The following LAMC2 variants were observed in gnomAD, a reference collection of about 807,000 sequenced individuals.
The protein encoded by LAMC2 is laminin subunit gamma 2, also known as laminin subunit gamma-2.
LAMC2 carries 97 observed loss-of-function variants against 140.2 expected under a neutral mutation model. The ratio of observed to expected loss-of-function variants is 0.69; its 90% CI spans 0.59 to 0.82. The LOEUF (loss-of-function observed/expected upper bound fraction) is 0.82. LAMC2 is among the 40% of genes least tolerant of loss of function. LAMC2 has a pLI of 0.00. For missense variants in LAMC2, 1,402 were observed against 1,476.1 expected (o/e 0.95, Z 0.82); for synonymous variants, 513 against 540.2 (o/e 0.95, Z 0.70).
At chr1:183,251,855 T>TTGC in the LAMC2 span, 525 of 163,296 alleles carry the variant, frequency 3.2e-3, 4 homozygotes, top group African/African-American at 0.011. Context: ...TGATCAAAGG[T>TTGC]TGCTGCTGCT....
chr1:183,253,022 G>A, the LAMC2 span, among the ~76,000 whole-genome samples: 3 of 152,056 alleles, frequency 2.0e-5, no homozygotes, highest in East Asian at 5.8e-4. Flanking sequence ...GGTAATATCT[G>A]GGCCCCTCTC....
chr1:183,243,870 A>G lies in LAMC2; in HGVS notation c.*470A>G, dbSNP rs1660189082. ...CCAGTCACACTGTGGCCAGTAAAAT[A>G]CTATTGCCTCATATTGTCCTCTGCA... On this transcript the variant is annotated 3_prime_UTR_variant, in exon 23 of 23. Coordinates refer to ENST00000264144, the MANE Select transcript of LAMC2 (RefSeq NM_005562.3). 1 of 224,220 alleles carries G rather than the reference A, an allele frequency of 4.5e-6. No homozygotes were observed. Among genetic ancestry groups the G allele is most frequent in the Non-Finnish European group, 9.0e-6 (1 of 111,348 alleles). The allele number at this position is 224,220 out of a possible 1,614,324, so 13.9% of individuals were successfully genotyped here.
Position 183,218,479 on chromosome 1 carries a change from G to A in LAMC2, c.494G>A (p.Arg165His), listed in dbSNP as rs763483708. 13 of 1,612,196 alleles carry A rather than the reference G, an allele frequency of 8.1e-6. No homozygotes were observed. Among genetic ancestry groups the A allele is most frequent in the East Asian group, 2.2e-5 (1 of 44,870 alleles). The change falls in exon 4 of 23, where the codon CGC becomes CAC. Residue 165 changes from arginine to histidine, a missense_variant. This residue lies in a region of LAMC2 where 723 missense variants were observed against 783.3 expected (regional missense o/e 0.92). Transcript: ENST00000264144. ...CVCKPAVTGE[R>H]CDRCRSGYYN... ...TGCAAGCCAGCTGTCACTGGAGAAC[G>A]CTGTGATAGGTCTGTGTGAACCGTG...
At chr1:183,202,560 A>G (rs1316888611) in intron 1 of LAMC2, among the ~76,000 whole-genome samples, 3 of 152,232 alleles carry the variant, frequency 2.0e-5, no homozygotes, top group African/African-American at 7.2e-5. Flanking sequence ...TCATAAGAAA[A>G]ACATTGTGCC....
intron 4 of LAMC2, among the ~76,000 whole-genome samples, chr1:183,219,855 G>A (rs1357666546): frequency 1.3e-5 from 2 of 152,104 alleles, no homozygotes; most frequent in Non-Finnish European, 2.9e-5. Flanking sequence ...TACATGATTT[G>A]GAGACAGATG....
intron 12 of LAMC2, among the ~76,000 whole-genome samples, chr1:183,231,628 T>C (rs1017348178): frequency 1.3e-5 from 2 of 152,342 alleles, no homozygotes; most frequent in East Asian, 1.9e-4. Flanking sequence ...CAAAAAGGAA[T>C]GGCCTCCAGA....
At chr1:183,248,470 A>G (rs200190360), downstream of LAMC2, 2 of 152,548 alleles carry the variant, frequency 1.3e-5, no homozygotes, top group Non-Finnish European at 2.9e-5. Context: ...CCTCATGCCA[A>G]CCCTCAAGAC....
chr1:183,203,511 T>C (rs776880579), intron 1 of LAMC2, among the ~76,000 whole-genome samples: 1 of 124,462 alleles, frequency 8.0e-6, no homozygotes, highest in South Asian at 2.7e-4. Context: ...CGAGAGTAAG[T>C]AATAAATGGT....
chr1:183,190,226 G>T (rs972166882), intron 1 of LAMC2, among the ~76,000 whole-genome samples: 4 of 152,164 alleles, frequency 2.6e-5, no homozygotes, highest in Admixed American at 2.6e-4. Context: ...ACATTGCCTG[G>T]TAAGCACTTA....
chr1:183,188,657 A>T (rs920290175), intron 1 of LAMC2, among the ~76,000 whole-genome samples: 8 of 152,252 alleles, frequency 5.3e-5, no homozygotes, highest in Non-Finnish European at 1.0e-4. Context: ...AAATGCCTGG[A>T]ACCACATTTC....
intron 1 of LAMC2, among the ~76,000 whole-genome samples, chr1:183,198,327 TAG>T (rs1658591092): frequency 6.6e-6 from 1 of 151,940 alleles, no homozygotes; most frequent in Admixed American, 6.6e-5. Flanking sequence ...TGTATTTTAG[TAG>T]AGACAGGGTT....
intron 3 of LAMC2, among the ~76,000 whole-genome samples, chr1:183,216,967 T>C (rs913146967): frequency 2.6e-5 from 4 of 152,170 alleles, no homozygotes; most frequent in African/African-American, 9.7e-5. Context: ...ACCCGGTAGA[T>C]GCTGAATACG....
At chr1:183,209,029 A>G (rs757336993) in intron 2 of LAMC2, among the ~76,000 whole-genome samples, 5 of 148,868 alleles carry the variant, frequency 3.4e-5, no homozygotes, top group Non-Finnish European at 7.4e-5. Flanking sequence ...CTATATTCAT[A>G]TAACTGTAGG....
Position 183,231,016 on chromosome 1 carries a change from C to T in LAMC2, c.1770C>T (p.Thr590=), listed in dbSNP as rs1421918266. The change falls in exon 12 of 23, where the codon ACC becomes ACT. Residue 590 remains threonine (T), a synonymous_variant. Transcript: ENST00000264144. ...CTGTAGGATGTCGAAGTGATGGCACCTGTGTTTGCAAGCCAGGATTTGGTG... is the reference window on the plus strand; with the variant it reads ...CTGTAGGATGTCGAAGTGATGGCACTTGTGTTTGCAAGCCAGGATTTGGTG... The part of the protein sequence containing the change: ...SEPVGCRSDG[T]CVCKPGFGGP... 2.5e-6 allele frequency: 4 copies of T among 1,614,146 alleles called. No individual in the cohort carries two copies. In the East Asian group the frequency reaches 8.9e-5, roughly 36 times the overall value.
chr1:183,233,531 G>A (rs976105721), intron 14 of LAMC2, among the ~76,000 whole-genome samples: 5 of 152,128 alleles, frequency 3.3e-5, no homozygotes, highest in African/African-American at 9.7e-5. Context: ...GAAGTGGAAT[G>A]ATAATCAGAT....
At position 183,243,978 on chromosome 1, in the gene LAMC2, A is replaced by C. The variant is rs1052381528; in HGVS notation, c.*578A>C. On this transcript the variant is annotated 3_prime_UTR_variant, in exon 23 of 23. Transcript: ENST00000264144. ...CATTTTCAAGCTGGAAGAAGTGAGC[A>C]GTGTTGGAGTGAGGACCTGTAAGGC... The C allele has an allele frequency of 6.0e-6, 1 of 165,902 alleles. No homozygotes were observed. The highest frequency in any genetic ancestry group is 2.4e-5 in the African/African-American group (1 of 41,642). The allele number at this position is 165,902 out of a possible 1,614,324, so 10.3% of individuals were successfully genotyped here.
rs2296306 is a variant in LAMC2 at position 183,222,189 on chromosome 1, C to G, written c.741C>G (p.Asp247Glu). 2 of 1,613,890 alleles carry G rather than the reference C, an allele frequency of 1.2e-6. No individual in the cohort carries two copies. The highest frequency in any genetic ancestry group is 1.7e-6 in the Non-Finnish European group (2 of 1,179,914). The change falls in exon 6 of 23, where the codon GAC becomes GAG. Residue 247 changes from aspartate (D) to glutamate (E), a missense_variant. Transcript: ENST00000264144. Reference sequence around the variant, plus strand: ...TGTTTAGCTCAGCCCAACGACTAGACCCTGTCTATTTTGTGGCTCCTGGTA... The same window carrying G: ...TGTTTAGCTCAGCCCAACGACTAGAGCCTGTCTATTTTGTGGCTCCTGGTA... ...QDVFSSAQRL[D>E]PVYFVAPAKF...
chr1:183,234,037 C>T (rs1157187283), intron 14 of LAMC2, among the ~76,000 whole-genome samples: 3 of 152,006 alleles, frequency 2.0e-5, no homozygotes, highest in Non-Finnish European at 4.4e-5. Flanking sequence ...CAGGCATGCA[C>T]CACCATGCCT....
At chr1:183,206,011 A>C (rs1009206348) in intron 1 of LAMC2, among the ~76,000 whole-genome samples, 1 of 152,224 alleles carries the variant, frequency 6.6e-6, no homozygotes, top group Non-Finnish European at 1.5e-5. Context: ...GTCTACATGC[A>C]ATGGTAAACT....
Sources: gnomAD v4.1 joint callset for allele counts (sites outside exome capture counted in the v4.1 genomes callset) on GRCh38, gnomAD v4.1.1 for gene constraint, gnomAD v4.1.1 regional missense constraint, MANE v1.5 for transcripts, NCBI Gene and HGNC (gene_info 2026-07-23, HGNC 2026-07-21) for gene names.